CFAP46: variants seen among roughly 807,000 people sequenced by gnomAD.
CFAP46 encodes cilia- and flagella-associated protein 46.
Under a neutral mutation model 325.7 loss-of-function variants are expected in CFAP46, and 245 were observed. The ratio of observed to expected loss-of-function variants is 0.75; its 90% confidence interval spans 0.68 to 0.84. CFAP46 has a LOEUF of 0.84. Among genes scored for constraint, CFAP46 ranks in the 40% least tolerant of loss-of-function variants. The pLI, the probability that CFAP46 is intolerant of heterozygous loss-of-function variation, is 0.00. For missense variants in CFAP46, 3,346 were observed against 3,543.0 expected (o/e 0.94, Z 1.41); for synonymous variants, 1,523 against 1,495.9 (o/e 1.02, Z -0.42).
intron 50 of CFAP46, among the ~76,000 whole-genome samples, chr10:132,816,421 T>C (rs1389163347): frequency 7.1e-6 from 1 of 141,534 alleles, no homozygotes; most frequent in Admixed American, 7.5e-5. Context: ...AAGCTCCACC[T>C]CCCGGGTTCA....
At position 132,811,073 on chromosome 10, in the gene CFAP46, A is replaced by G. The variant is rs371973186; in HGVS notation, c.7502-42T>C. 1.6e-4 allele frequency: 248 copies of G among 1,521,674 alleles called. 5 individuals are homozygous for G. The highest frequency in any genetic ancestry group is 1.1e-3 in the South Asian group (95 of 83,942). The allele number at this position is 1,521,674 out of a possible 1,614,324, so 94.3% of individuals were successfully genotyped here. A position where few individuals can be genotyped will look rare whatever the true frequency, so the allele number is the denominator to read the frequency against. ...GGCAGCTCAGCAGCCTTGGCCTGAC[A>G]TGGGGAGTGGGGATGGGGTGTGGGC... is the stretch of plus-strand genomic sequence containing the variant. On this transcript the variant is annotated intron_variant, in intron 55 of 57. Coordinates refer to ENST00000368586, the MANE Select transcript of CFAP46 (RefSeq NM_001200049.3).
Position 132,827,694 on chromosome 10 carries a change from C to T in CFAP46, c.7117+5664G>A, listed in dbSNP as rs1426144708. Reference sequence around the variant, plus strand: ...CAAGTCATCGCCACAGCGAAGGTCACGGCACACCCAGCCCCAGGAGCTTCC... The same window carrying T: ...CAAGTCATCGCCACAGCGAAGGTCATGGCACACCCAGCCCCAGGAGCTTCC... On this transcript the variant is annotated intron_variant, in intron 50 of 57. Transcript: ENST00000368586. The surrounding 1 kb of genome is among the most constrained non-coding windows in gnomAD (Gnocchi z 5.7). Among the ~76,000 whole-genome samples the T allele has an allele frequency of 8.5e-5, 13 of 152,204 alleles. No homozygotes were observed. In the South Asian group the frequency reaches 1.7e-3, roughly 19 times the overall value.
intron 2 of CFAP46, 124 bp downstream of exon 2, chr10:132,941,856 G>A: frequency 6.6e-7 from 1 of 1,515,242 alleles, no homozygotes; most frequent in East Asian, 2.4e-5. Context: ...CCTCCATCCT[G>A]GCCCCTTGAC....
intron 20 of CFAP46, 96 bp from the exon 21 acceptor site, chr10:132,909,340 C>G: frequency 1.2e-6 from 1 of 865,262 alleles, no homozygotes; most frequent in Non-Finnish European, 1.9e-6. Context: ...AGTTTTATGG[C>G]AATAATCAGA....
At chr10:132,928,292 C>G (rs903420986) in intron 9 of CFAP46, among the ~76,000 whole-genome samples, 5 of 152,204 alleles carry the variant, frequency 3.3e-5, no homozygotes, top group Non-Finnish European at 7.3e-5. Context: ...CATAGTCATT[C>G]TGAATTGGGG....
chr10:132,912,352 CCTCT>C (rs374858572), intron 19 of CFAP46, among the ~76,000 whole-genome samples: 4 of 138,242 alleles, frequency 2.9e-5, no homozygotes, highest in African/African-American at 1.1e-4. Flanking sequence ...TGTCTCTTCT[CCTCT>C]CTTTCTCCTC....
rs187918823 is a variant in CFAP46 at position 132,808,499 on chromosome 10, G to A, written c.8070C>T (p.Gly2690=). 2.5e-5 allele frequency: 40 copies of A among 1,613,232 alleles called. No homozygotes were observed. The highest frequency in any genetic ancestry group is 3.1e-5 in the Non-Finnish European group (36 of 1,180,010). The change falls in exon 58 of 58, where the codon GGC becomes GGT. Residue 2690 remains glycine, a synonymous_variant. Transcript: ENST00000368586. This position sits in a 1 kb window ranked among gnomAD's most constrained non-coding sequence, Gnocchi z 6.8. ...SCVSSRGQDK[G]GLPLAALVLS... The stretch of plus-strand genomic sequence containing the variant: ...GCACCAGCGCCGCCAAGGGGAGGCC[G>A]CCCTTGTCCTGGCCCCGGGAAGAGA...
rs1038076846 is a variant in CFAP46 at position 132,847,749 on chromosome 10, C to T, written c.5953-428G>A. On this transcript the variant is annotated intron_variant, in intron 41 of 57. Transcript: ENST00000368586. This position sits in a 1 kb window ranked among gnomAD's most constrained non-coding sequence, Gnocchi z 5.2. The stretch of plus-strand genomic sequence containing the variant: ...TGATCTGGCTGAGACACAAGCCCCA[C>T]CTGGGTATAGGAAGCCCTGGCAGCC... Among the ~76,000 whole-genome samples the T allele has an allele frequency of 2.0e-5, 3 of 152,138 alleles. No homozygotes were observed. Among genetic ancestry groups the T allele is most frequent in the African/African-American group, 7.2e-5 (3 of 41,418 alleles).
At chr10:132,918,605 GCCTGAGCCTCTC>G in intron 15 of CFAP46, 85 bp from the exon 16 acceptor site, 1 of 1,438,776 alleles carries the variant, frequency 7.0e-7, no homozygotes. Flanking sequence ...ATCTTGGAGT[GCCTGAGCCTCTC>G]CCCAGCTCCG....
At chr10:132,942,220 G>T in intron 1 of CFAP46, 116 bp from the exon 2 acceptor site, 2 of 1,364,884 alleles carry the variant, frequency 1.5e-6, no homozygotes, top group Non-Finnish European at 2.0e-6. Flanking sequence ...CACAGCCACC[G>T]TCAGAACCTG....
rs747285427 is a variant in CFAP46 at position 132,919,464 on chromosome 10, G to A, written c.1731-22C>T. ...TATCCTGCTCACCGAGAACCCAAAC[G>A]AGTGAAAGGTGAGTAGACAAGTGTG... On this transcript the variant is annotated intron_variant, in intron 14 of 57. Transcript: ENST00000368586. This position sits in a 1 kb window ranked among gnomAD's most constrained non-coding sequence, Gnocchi z 9.7. The A allele has an allele frequency of 1.4e-5, 21 of 1,540,140 alleles. No individual in the cohort carries two copies. Among genetic ancestry groups the A allele is most frequent in the Admixed American group, 1.2e-4 (6 of 48,848 alleles).
In CFAP46 at chr10:132,869,885, T is replaced by C. The variant is rs1848872839; in HGVS notation, c.4512-513A>G. On this transcript the variant is annotated intron_variant, in intron 32 of 57. Coordinates refer to ENST00000368586, the MANE Select transcript of CFAP46 (RefSeq NM_001200049.3). This position sits in a 1 kb window ranked among gnomAD's most constrained non-coding sequence, Gnocchi z 6.2. Reference sequence around the variant, plus strand: ...CTGAGGATGCAACTTGCAGCCTTTCTCCCGGATCCTTCAGGGCACAGGCGC... The same window carrying C: ...CTGAGGATGCAACTTGCAGCCTTTCCCCCGGATCCTTCAGGGCACAGGCGC... 6.6e-6 allele frequency among the ~76,000 whole-genome samples: 1 copy of C among 152,160 alleles called. No homozygotes were observed. The highest frequency in any genetic ancestry group is 1.5e-5 in the Non-Finnish European group (1 of 68,024).
chr10:132,942,403 CCGGGGCGGGGGTCGTGG>C lies in CFAP46; in HGVS notation c.49+16_49+32del. 1 of 1,361,274 alleles carries C rather than the reference CCGGGGCGGGGGTCGTGG, an allele frequency of 7.3e-7. No individual in the cohort carries two copies. Among genetic ancestry groups the C allele is most frequent in the Non-Finnish European group, 9.4e-7 (1 of 1,064,568 alleles). The allele number at this position is 1,361,274 out of a possible 1,614,324, so 84.3% of individuals were successfully genotyped here. ...GGTCGTGGCGGGTCCCGGGGCCTCC[CCGGGGCGGGGGTCGTGG>C]CGGGCCTGGGGTCACCTTGCTGGCT... On this transcript the variant is annotated intron_variant, in intron 1 of 57. Transcript: ENST00000368586.
chr10:132,815,203 C>T (rs969045732), intron 50 of CFAP46, among the ~76,000 whole-genome samples: 1 of 152,218 alleles, frequency 6.6e-6, no homozygotes, highest in Non-Finnish European at 1.5e-5. Flanking sequence ...AGTGTGCCTG[C>T]CATGCCCGGG....
chr10:132,839,973 ACGTTCATCTGGC>A (rs1848323457), intron 44 of CFAP46, among the ~76,000 whole-genome samples: 1 of 152,210 alleles, frequency 6.6e-6, no homozygotes, highest in Non-Finnish European at 1.5e-5. Context: ...TCTAGTGTCA[ACGTTCATCTGGC>A]CTCTTAGTAA....
At position 132,942,452 on chromosome 10, in the gene CFAP46, G is replaced by A. The variant is rs2135765303; in HGVS notation, c.33C>T (p.Arg11=). 2.2e-6 allele frequency: 3 copies of A among 1,342,170 alleles called. No individual in the cohort carries two copies. Among genetic ancestry groups the A allele is most frequent in the Non-Finnish European group, 2.9e-6 (3 of 1,052,062 alleles). The allele number at this position is 1,342,170 out of a possible 1,614,324, so 83.1% of individuals were successfully genotyped here. Residue 11 remains arginine, a synonymous_variant, in exon 1 of 58, where the codon CGC becomes CGT. Transcript: ENST00000368586. MDLVITQELA[R]AESQQDAASL... Reference sequence around the variant, plus strand: ...TGGGGTCACCTTGCTGGCTCTCGGCGCGGGCCAGCTCCTGCGTGATGACCA... The same window carrying A: ...TGGGGTCACCTTGCTGGCTCTCGGCACGGGCCAGCTCCTGCGTGATGACCA...
In CFAP46 at chr10:132,851,296, C is replaced by T. The variant is rs759331107; in HGVS notation, c.5584G>A (p.Val1862Ile). Reference protein sequence around the residue: ...GLLSLQDLQNVNTPLMRKLAR... With the variant: ...GLLSLQDLQNINTPLMRKLAR... The stretch of plus-strand genomic sequence containing the variant: ...AGCTTCCTCATCAGGGGCGTGTTGA[C>T]GTTCTGCAACTGAGGGGGTCAGGCA... The change falls in exon 40 of 58, where the codon GTC becomes ATC. Residue 1862 changes from valine (V) to isoleucine (I), a missense_variant. Val to Ile is a conservative substitution (Grantham distance 29). Coordinates refer to ENST00000368586, the MANE Select transcript of CFAP46 (RefSeq NM_001200049.3). The T allele has an allele frequency of 2.2e-5, 35 of 1,613,360 alleles. No individual in the cohort carries two copies. Among genetic ancestry groups the T allele is most frequent in the Admixed American group, 3.3e-5 (2 of 59,958 alleles).
intron 50 of CFAP46, among the ~76,000 whole-genome samples, chr10:132,831,034 T>A (rs1473648191): frequency 2.0e-5 from 3 of 152,252 alleles, no homozygotes; most frequent in South Asian, 2.1e-4. Flanking sequence ...TTTCTTCTTT[T>A]ATCCGTGGGT....
chr10:132,873,294 T>C (rs1371599244), intron 31 of CFAP46, among the ~76,000 whole-genome samples: 1 of 152,246 alleles, frequency 6.6e-6, no homozygotes, highest in Non-Finnish European at 1.5e-5. Flanking sequence ...GTTGGATGAC[T>C]TGTCGCAAAA....
Sources: gnomAD v4.1 joint callset for allele counts (sites outside exome capture counted in the v4.1 genomes callset) on GRCh38, gnomAD v4.1.1 for gene constraint, Gnocchi (gnomAD v3.1) non-coding constraint, MANE v1.5 for transcripts, NCBI Gene and HGNC (gene_info 2026-07-23, HGNC 2026-07-21) for gene names.